DDHD1: variants seen among roughly 807,000 people sequenced by gnomAD.
The protein encoded by DDHD1 is phospholipase DDHD1.
A neutral mutation model predicts 96.4 loss-of-function variants in DDHD1; 49 were observed. The ratio of observed to expected loss-of-function variants is 0.51; its 90% CI spans 0.40 to 0.64. DDHD1 has a LOEUF of 0.64. Among genes scored for constraint, DDHD1 ranks in the 30% least tolerant of loss-of-function variants. DDHD1 has a pLI of 0.00. For missense variants in DDHD1, 1,106 were observed against 1,161.2 expected (o/e 0.95, Z 0.69); for synonymous variants, 442 against 446.5 (o/e 0.99, Z 0.13).
chr14:53,083,903 G>A (rs1885708142), intron 4 of DDHD1, among the ~76,000 whole-genome samples: 1 of 151,592 alleles, frequency 6.6e-6, no homozygotes, highest in Non-Finnish European at 1.5e-5. Context: ...TCCTTGTAGT[G>A]GACACTTGGG....
rs555525833 is a variant in DDHD1 at position 53,046,614 on chromosome 14, T to G, written c.*154A>C. The G allele has an allele frequency of 1.9e-5, 9 of 481,028 alleles. No homozygotes were observed. The South Asian group carries it at 4.0e-4, about 21-fold the overall frequency. 29.8% of individuals were successfully genotyped at this position (481,028 alleles called of 1,614,324 possible). Reference sequence around the variant, plus strand: ...ACTTCTTCAGAACTGAAAACTTCTTTTTTTTTTAAATAAAGTGCTTTTAAA... The same window carrying G: ...ACTTCTTCAGAACTGAAAACTTCTTGTTTTTTTAAATAAAGTGCTTTTAAA... On this transcript the variant is annotated 3_prime_UTR_variant, in exon 13 of 13. Coordinates refer to ENST00000673822, the MANE Select transcript of DDHD1 (RefSeq NM_001160148.2).
chr14:53,059,348 T>C (rs533948904), intron 8 of DDHD1, among the ~76,000 whole-genome samples: 103 of 152,050 alleles, frequency 6.8e-4, no homozygotes, highest in Non-Finnish European at 1.2e-3. Context: ...GGGTTCACGC[T>C]ATTCTCCTGC....
intron 1 of DDHD1, among the ~76,000 whole-genome samples, chr14:53,133,789 T>G (rs1190299207): frequency 6.6e-6 from 1 of 152,182 alleles, no homozygotes. Flanking sequence ...AATCTTCTCT[T>G]GCCTACTCCA....
chr14:53,061,402 G>C (rs112374837), intron 7 of DDHD1: 2 of 439,540 alleles, frequency 4.6e-6, no homozygotes, highest in African/African-American at 4.1e-5. Context: ...GTAAAGTACC[G>C]CTAGTTGTCA....
In DDHD1 at chr14:53,063,019, C is replaced by T. The variant is rs1883728626; in HGVS notation, c.1690G>A (p.Glu564Lys). The T allele has an allele frequency of 6.2e-7, 1 of 1,613,560 alleles. No individual in the cohort carries two copies. Among genetic ancestry groups the T allele is most frequent in the Non-Finnish European group, 8.5e-7 (1 of 1,179,726 alleles). Residue 564 changes from glutamate to lysine, a missense_variant, in exon 7 of 13, where the codon GAA becomes AAA. Around this residue, in one of 2 missense-constraint regions of DDHD1, gnomAD observed 650 missense variants for 758.8 expected, o/e 0.86. Coordinates refer to ENST00000673822, the MANE Select transcript of DDHD1 (RefSeq NM_001160148.2). ...RLYEQLLQKEEELPDERWMSY... is the reference protein window; with the variant it reads ...RLYEQLLQKEKELPDERWMSY... ...ATCCATCGTTCATCAGGCAACTCTT[C>T]TTCCTTTTGCAGCAACTGTTCATAC...
At chr14:53,138,132 C>T (rs888878533) in intron 1 of DDHD1, among the ~76,000 whole-genome samples, 9 of 152,142 alleles carry the variant, frequency 5.9e-5, no homozygotes, top group South Asian at 2.1e-4. Context: ...AGGCTGGGTG[C>T]GGTGGCCCAT....
Position 53,042,942 on chromosome 14 carries a change from TTAATTA to T in DDHD1, c.*3820_*3825del, listed in dbSNP as rs1881755879. On this transcript the variant is annotated 3_prime_UTR_variant, in exon 13 of 13. Coordinates refer to ENST00000673822, the MANE Select transcript of DDHD1 (RefSeq NM_001160148.2). Reference sequence around the variant, plus strand: ...CTCGATTGTCCACATGCCTTACTCATTAATTAGCTGAGAAGATAGAAATACCAATCT... The same window carrying T: ...CTCGATTGTCCACATGCCTTACTCATGCTGAGAAGATAGAAATACCAATCT... 6.6e-6 allele frequency: 1 copy of T among 152,202 alleles called. No homozygotes were observed. The highest frequency in any genetic ancestry group is 2.1e-4 in the South Asian group (1 of 4,828). 9.4% of individuals were successfully genotyped at this position (152,202 alleles called of 1,614,324 possible). A position where few individuals can be genotyped will look rare whatever the true frequency, so the allele number is the denominator to read the frequency against.
chr14:53,153,011 C>A lies in DDHD1; in HGVS notation c.88G>T (p.Ala30Ser). 1 of 1,530,070 alleles carries A rather than the reference C, an allele frequency of 6.5e-7. No individual in the cohort carries two copies. Among genetic ancestry groups the A allele is most frequent in the South Asian group, 1.2e-5 (1 of 82,358 alleles). 94.8% of individuals were successfully genotyped at this position (1,530,070 alleles called of 1,614,324 possible). Residue 30 changes from alanine (A) to serine (S), a missense_variant, in exon 1 of 13, where the codon GCG (alanine) becomes TCG (serine). By Grantham distance (99) the Ala-to-Ser change is moderately conservative. Around this residue, in one of 2 missense-constraint regions of DDHD1, gnomAD observed 456 missense variants for 402.4 expected, o/e 1.13. Coordinates refer to ENST00000673822, the MANE Select transcript of DDHD1 (RefSeq NM_001160148.2). Reference protein sequence around the residue: ...GGGAWELGSDARPAFGGGVCC... With the variant: ...GGGAWELGSDSRPAFGGGVCC... ...ACGCCGCCGCCGAACGCTGGCCTCGCGTCTGAGCCCAGCTCCCAGGCGCCG... is the reference window on the plus strand; with the variant it reads ...ACGCCGCCGCCGAACGCTGGCCTCGAGTCTGAGCCCAGCTCCCAGGCGCCG...
chr14:53,123,141 T>C (rs1889138103), intron 1 of DDHD1, among the ~76,000 whole-genome samples: 1 of 147,660 alleles, frequency 6.8e-6, no homozygotes. Context: ...TTATTATTAT[T>C]ATTATTATTA....
intron 2 of DDHD1, among the ~76,000 whole-genome samples, chr14:53,096,435 T>C (rs941976517): frequency 2.0e-5 from 3 of 151,986 alleles, no homozygotes; most frequent in African/African-American, 7.2e-5. Flanking sequence ...GCAAATAATA[T>C]CTAAATTTAT....
At chr14:53,065,050 TTATTATC>T in intron 6 of DDHD1, among the ~76,000 whole-genome samples, 1 of 152,284 alleles carries the variant, frequency 6.6e-6, no homozygotes, top group African/African-American at 2.4e-5. Context: ...GATCTTAACT[TTATTATC>T]TATTAGGTCT....
At position 53,041,956 on chromosome 14, in the gene DDHD1, G is replaced by T. The variant is rs1470505598; in HGVS notation, c.*4812C>A. On this transcript the variant is annotated 3_prime_UTR_variant, in exon 13 of 13. Transcript: ENST00000673822. ...TGCCCTTTAGGAGTAGTTTCCTATC[G>T]ATTAGGGGAAACAGTCTGGTATAAG... 1 of 152,158 alleles carries T rather than the reference G, an allele frequency of 6.6e-6. No individual in the cohort carries two copies. The highest frequency in any genetic ancestry group is 1.5e-5 in the Non-Finnish European group (1 of 68,038). 9.4% of individuals were successfully genotyped at this position (152,158 alleles called of 1,614,324 possible).
chr14:53,048,132 T>C (rs562452514), intron 12 of DDHD1, among the ~76,000 whole-genome samples: 1 of 152,220 alleles, frequency 6.6e-6, no homozygotes, highest in Non-Finnish European at 1.5e-5. Flanking sequence ...TAAATAGGTA[T>C]TTTGTGACAA....
chr14:53,103,380 C>T (rs911454601), intron 2 of DDHD1: 39 of 351,938 alleles, frequency 1.1e-4, no homozygotes, highest in Non-Finnish European at 4.0e-5. Flanking sequence ...AGTTCAATTT[C>T]CTTTGATAAC....
Position 53,105,578 on chromosome 14 carries a change from C to A in DDHD1, c.839-1722G>T, listed in dbSNP as rs115035021. 5.7e-3 allele frequency among the ~76,000 whole-genome samples: 862 copies of A among 152,144 alleles called. 6 individuals carry two copies. The highest frequency in any genetic ancestry group is 0.02 in the African/African-American group (831 of 41,522). ...ATACTGAATAGTTTTTGCCTGGATT[C>A]TACTTTGTTCAGCAAAATGGAAACT... On this transcript the variant is annotated intron_variant, in intron 1 of 12. Coordinates refer to ENST00000673822, the MANE Select transcript of DDHD1 (RefSeq NM_001160148.2).
intron 8 of DDHD1, among the ~76,000 whole-genome samples, chr14:53,059,536 T>C (rs1163933778): frequency 6.8e-6 from 1 of 146,572 alleles, no homozygotes; most frequent in Non-Finnish European, 1.5e-5. Flanking sequence ...TGAGCCACCG[T>C]GCCCAGCCAT....
intron 12 of DDHD1, among the ~76,000 whole-genome samples, chr14:53,051,398 A>G (rs935264913): frequency 6.6e-6 from 1 of 152,016 alleles, no homozygotes; most frequent in Admixed American, 6.6e-5. Context: ...CTGTGTTGAA[A>G]GCAATCAGCT....
intron 4 of DDHD1, among the ~76,000 whole-genome samples, chr14:53,077,390 C>T (rs1595131835): frequency 6.6e-6 from 1 of 152,110 alleles, no homozygotes; most frequent in African/African-American, 2.4e-5. Flanking sequence ...TATTTAGCTG[C>T]ACTGGGGTAT....
chr14:53,126,571 T>C (rs1329327028), intron 1 of DDHD1, among the ~76,000 whole-genome samples: 2 of 152,192 alleles, frequency 1.3e-5, no homozygotes, highest in African/African-American at 4.8e-5. Flanking sequence ...TTTCATCATG[T>C]TATCCAGGAT....
Sources: allele counts gnomAD v4.1 joint callset (sites outside exome capture counted in the v4.1 genomes callset), GRCh38; gene constraint gnomAD v4.1.1; regional missense constraint gnomAD v4.1.1; transcripts MANE v1.5; gene names NCBI Gene and HGNC (gene_info 2026-07-23, HGNC 2026-07-21).